The following CCDC91 variants were observed in gnomAD, a reference collection of about 807,000 sequenced individuals.
CCDC91 encodes coiled-coil domain containing 91, also known as coiled-coil domain-containing protein 91.
A neutral mutation model predicts 63.2 loss-of-function variants in CCDC91; 48 were observed. That is an observed-to-expected ratio of 0.76 (90% confidence interval 0.60 to 0.97). CCDC91 has a LOEUF of 0.97. Ranked by LOEUF, CCDC91 falls within the 50% of genes least tolerant of loss-of-function variation. CCDC91 has a pLI of 0.00. For missense variants in CCDC91, 500 were observed against 494.6 expected (o/e 1.01, Z -0.10); for synonymous variants, 167 against 165.8 (o/e 1.01, Z -0.06).
At chr12:28,226,690 T>A (rs980792055) in intron 1 of CCDC91, among the ~76,000 whole-genome samples, 1 of 152,204 alleles carries the variant, frequency 6.6e-6, no homozygotes, top group Non-Finnish European at 1.5e-5. Context: ...ACATAATTAT[T>A]AACTAAAGTC....
intron 12 of CCDC91, among the ~76,000 whole-genome samples, chr12:28,539,456 ATT>A (rs1465221953): frequency 3.9e-5 from 6 of 152,156 alleles, no homozygotes; most frequent in Non-Finnish European, 8.8e-5. Context: ...GTTCTGTTCC[ATT>A]GGTCTATATC....
chr12:28,371,740 G>A (rs1344752796), intron 7 of CCDC91, among the ~76,000 whole-genome samples: 1 of 152,114 alleles, frequency 6.6e-6, no homozygotes, highest in Non-Finnish European at 1.5e-5. Context: ...TGGATATGGA[G>A]GGCCACATTT....
At chr12:28,403,170 G>T (rs1170663098) in intron 8 of CCDC91, among the ~76,000 whole-genome samples, 1 of 152,104 alleles carries the variant, frequency 6.6e-6, no homozygotes, top group African/African-American at 2.4e-5. Context: ...AATGAATCAG[G>T]AAGTATTCTC....
At chr12:28,537,983 G>A (rs554372618) in intron 12 of CCDC91, among the ~76,000 whole-genome samples, 2 of 152,012 alleles carry the variant, frequency 1.3e-5, no homozygotes, top group South Asian at 4.2e-4. Flanking sequence ...ATATTAGAGA[G>A]GCAACTGGCA....
chr12:28,216,644 A>G (rs1943578948), intron 1 of CCDC91, among the ~76,000 whole-genome samples: 1 of 146,608 alleles, frequency 6.8e-6, no homozygotes, highest in South Asian at 2.1e-4. Flanking sequence ...TTATATAGTT[A>G]TATATTTTTT....
At chr12:28,402,890 T>A (rs564928258) in intron 8 of CCDC91, among the ~76,000 whole-genome samples, 1 of 152,292 alleles carries the variant, frequency 6.6e-6, no homozygotes, top group South Asian at 2.1e-4. Context: ...CTTTGACCAT[T>A]TTATTGATAT....
intron 8 of CCDC91, among the ~76,000 whole-genome samples, chr12:28,397,695 C>G (rs1407330634): frequency 6.6e-6 from 1 of 151,904 alleles, no homozygotes; most frequent in Non-Finnish European, 1.5e-5. Context: ...GAGTTACTTT[C>G]CATCACTACT....
At chr12:28,333,478 C>T (rs1228694477) in intron 6 of CCDC91, among the ~76,000 whole-genome samples, 1 of 151,692 alleles carries the variant, frequency 6.6e-6, no homozygotes, top group Non-Finnish European at 1.5e-5. Context: ...ACAAAAGCAC[C>T]TAGGATATTT....
At position 28,236,405 on chromosome 12, in the gene CCDC91, G is replaced by A. The variant is rs193030814; in HGVS notation, c.-14-20797G>A. On this transcript the variant is annotated intron_variant, in intron 1 of 12. Coordinates refer to ENST00000536442, the MANE Select transcript of CCDC91 (RefSeq NM_018318.5). Reference sequence around the variant, plus strand: ...AATGTATAAATTTAATATTATTGCTGTATTGTAATCTTTTTCTGTTTAATT... The same window carrying A: ...AATGTATAAATTTAATATTATTGCTATATTGTAATCTTTTTCTGTTTAATT... The A allele has an allele frequency of 5.9e-4, 89 of 152,048 alleles. 1 individual carries two copies. Among genetic ancestry groups the A allele is most frequent in the Middle Eastern group, 3.4e-3 (1 of 294 alleles). 9.4% of individuals were successfully genotyped at this position (152,048 alleles called of 1,614,324 possible).
intron 7 of CCDC91, among the ~76,000 whole-genome samples, chr12:28,369,941 A>C (rs1592457009): frequency 6.6e-6 from 1 of 152,298 alleles, no homozygotes; most frequent in East Asian, 1.9e-4. Flanking sequence ...TGCGGCCCTG[A>C]GACCATCCCA....
At chr12:28,242,414 T>C (rs1329420763) in intron 1 of CCDC91, among the ~76,000 whole-genome samples, 1 of 152,180 alleles carries the variant, frequency 6.6e-6, no homozygotes, top group Non-Finnish European at 1.5e-5. Context: ...TTTAGATGTG[T>C]TGGTCAGGTG....
At chr12:28,411,665 G>A (rs1035761567) in intron 8 of CCDC91, among the ~76,000 whole-genome samples, 23 of 152,066 alleles carry the variant, frequency 1.5e-4, no homozygotes, top group Admixed American at 1.2e-3. Flanking sequence ...TTTGGTGAAC[G>A]ATGGACTGTA....
chr12:28,232,233 T>C (rs1330644257), intron 1 of CCDC91, among the ~76,000 whole-genome samples: 1 of 152,200 alleles, frequency 6.6e-6, no homozygotes, highest in Non-Finnish European at 1.5e-5. Context: ...AATACAGTGA[T>C]ATTTATGGAA....
At chr12:28,464,866 T>C (rs1161908817) in intron 11 of CCDC91, among the ~76,000 whole-genome samples, 1 of 152,010 alleles carries the variant, frequency 6.6e-6, no homozygotes, top group Admixed American at 6.6e-5. Context: ...CTCAGTGGGG[T>C]AGAGCACCAA....
intron 1 of CCDC91, among the ~76,000 whole-genome samples, chr12:28,195,308 A>C (rs1226329170): frequency 6.6e-6 from 1 of 152,174 alleles, no homozygotes; most frequent in African/African-American, 2.4e-5. Context: ...CTAGACACAG[A>C]GTGCTGATTG....
chr12:28,534,234 G>T (rs945149534), intron 12 of CCDC91, among the ~76,000 whole-genome samples: 3 of 152,058 alleles, frequency 2.0e-5, no homozygotes, highest in African/African-American at 7.2e-5. Flanking sequence ...CATAATTTAG[G>T]CAGTGCTTAC....
At chr12:28,401,911 A>T (rs538820495) in intron 8 of CCDC91, among the ~76,000 whole-genome samples, 1 of 152,236 alleles carries the variant, frequency 6.6e-6, no homozygotes, top group South Asian at 2.1e-4. Context: ...TAATTTGGAG[A>T]TACAGTGTGA....
At chr12:28,432,427 A>G (rs1948678302) in intron 8 of CCDC91, among the ~76,000 whole-genome samples, 1 of 152,006 alleles carries the variant, frequency 6.6e-6, no homozygotes, top group African/African-American at 2.4e-5. Flanking sequence ...TCTGATGGTT[A>G]TATAAATGGT....
intron 12 of CCDC91, among the ~76,000 whole-genome samples, chr12:28,503,319 A>G (rs2141168346): frequency 6.6e-6 from 1 of 152,238 alleles, no homozygotes; most frequent in East Asian, 1.9e-4. Context: ...ATGCAGCCAA[A>G]AAACACATGA....
Sources: gnomAD v4.1 joint callset for allele counts (sites outside exome capture counted in the v4.1 genomes callset) on GRCh38, gnomAD v4.1.1 for gene constraint, MANE v1.5 for transcripts, NCBI Gene and HGNC (gene_info 2026-07-23, HGNC 2026-07-21) for gene names.